Variants in PCDHA3 observed in about 807,000 individuals in gnomAD.
PCDHA3 encodes the protein protocadherin alpha-3.
In PCDHA3, 41 loss-of-function variants were observed where a neutral mutation model predicts 62.2. The ratio of observed to expected loss-of-function variants is 0.66; its 90% confidence interval spans 0.51 to 0.86. The LOEUF is 0.86. Ranked by LOEUF, PCDHA3 falls within the 40% of genes least tolerant of loss-of-function variation. The probability of loss-of-function intolerance (pLI) is 0.00; values close to 1 mark genes in which losing one functional copy is unlikely to be tolerated. For missense variants in PCDHA3, 1,304 were observed against 1,241.2 expected, an observed-to-expected ratio of 1.05 and a Z score of -0.76; for synonymous variants, 640 against 555.4, an observed-to-expected ratio of 1.15 and a Z score of -2.14.
Position 140,842,900 on chromosome 5 carries a change from G to A in PCDHA3, c.2394+39309G>A, listed in dbSNP as rs2150347456. ...CGCGCTGCAGCCGCTGGACCACGAG[G>A]AGCTAGAGCTGCTGCAGTTCCAGGT... On this transcript the variant is annotated intron_variant, in intron 1 of 3. Transcript: ENST00000522353. 6.3e-7 allele frequency: 1 copy of A among 1,594,414 alleles called. No homozygotes were observed. The highest frequency in any genetic ancestry group is 2.2e-5 in the East Asian group (1 of 44,796).
chr5:140,923,865 A>G (rs1422887617), intron 1 of PCDHA3, among the ~76,000 whole-genome samples: 1 of 152,226 alleles, frequency 6.6e-6, no homozygotes, highest in Non-Finnish European at 1.5e-5. Flanking sequence ...GGGAAGCCAA[A>G]AATCTGAGAA....
intron 1 of PCDHA3, chr5:140,848,358 G>A: frequency 9.5e-7 from 1 of 1,051,266 alleles, no homozygotes; most frequent in East Asian, 2.4e-5. Flanking sequence ...CTTTTCCCAT[G>A]GGAAAGAGGC....
At chr5:140,871,624 A>G in intron 1 of PCDHA3, 1 of 1,409,596 alleles carries the variant, frequency 7.1e-7, no homozygotes, top group African/African-American at 1.4e-5. Context: ...TTTAGATAAC[A>G]ATGTCTGTTC....
chr5:140,871,506 A>G, intron 1 of PCDHA3: 11 of 1,580,864 alleles, frequency 7.0e-6, no homozygotes, highest in Non-Finnish European at 8.6e-6. Flanking sequence ...TGAGTTTTCT[A>G]CAGATTCCAC....
intron 1 of PCDHA3, chr5:140,850,751 G>A (rs2041804257): frequency 6.3e-7 from 1 of 1,597,836 alleles, no homozygotes; most frequent in Non-Finnish European, 8.6e-7. Flanking sequence ...CGTACTCGCA[G>A]CAGAGGAGGC....
chr5:140,859,888 A>T (rs2046074014), intron 1 of PCDHA3: 1 of 152,104 alleles, frequency 6.6e-6, no homozygotes. Context: ...TATTTTGAAA[A>T]AAAATCTTCC....
chr5:140,966,644 G>A, intron 1 of PCDHA3: 1 of 1,127,128 alleles, frequency 8.9e-7, no homozygotes, highest in Non-Finnish European at 1.2e-6. Context: ...GCTTTCTAGA[G>A]CGTGAGCGGT....
At chr5:140,911,037 C>A (rs1432446373) in intron 1 of PCDHA3, among the ~76,000 whole-genome samples, 3 of 152,012 alleles carry the variant, frequency 2.0e-5, no homozygotes, top group Non-Finnish European at 4.4e-5. Context: ...GGTCTAGAAG[C>A]AAACAGGGGT....
At chr5:140,813,382 T>A (rs1218287090) in intron 1 of PCDHA3, 1 of 152,178 alleles carries the variant, frequency 6.6e-6, no homozygotes, top group African/African-American at 2.4e-5. Flanking sequence ...GGTTACATGA[T>A]CTATTGCTTC....
intron 1 of PCDHA3, chr5:140,861,648 T>C (rs1380826146): frequency 1.0e-5 from 3 of 287,022 alleles, no homozygotes; most frequent in African/African-American, 6.6e-5. Context: ...AAAGAATCTG[T>C]TTCTGAAACG....
intron 2 of PCDHA3, 36 bp downstream of exon 2, chr5:140,979,043 C>G: frequency 6.2e-7 from 1 of 1,612,500 alleles, no homozygotes. Context: ...CAGAAGTAAC[C>G]TTAACTTGGT....
chr5:140,827,884 A>T, intron 1 of PCDHA3: 1 of 684,502 alleles, frequency 1.5e-6, no homozygotes, highest in East Asian at 2.6e-5. Context: ...ACGTGAATTG[A>T]TTTCTTACCT....
rs1554141625 is a variant in PCDHA3 at position 140,847,005 on chromosome 5, A to G, written c.2394+43414A>G. On this transcript the variant is annotated intron_variant, in intron 1 of 3. Coordinates refer to ENST00000522353, the MANE Select transcript of PCDHA3 (RefSeq NM_018906.3). Reference sequence around the variant, plus strand: ...AGTTCCCCCCGGGAGAATATTGAGAATGATAGACATTTCTTGGAAAGAGAA... The same window carrying G: ...AGTTCCCCCCGGGAGAATATTGAGAGTGATAGACATTTCTTGGAAAGAGAA... 2.7e-5 allele frequency among the ~76,000 whole-genome samples: 4 copies of G among 149,762 alleles called. 1 individual carries two copies.
chr5:140,819,581 T>A (rs1766585866), intron 1 of PCDHA3, among the ~76,000 whole-genome samples: 3 of 152,184 alleles, frequency 2.0e-5, no homozygotes, highest in Admixed American at 6.5e-5. Flanking sequence ...GAAGATTTTT[T>A]AAAATGTTCT....
chr5:140,932,101 T>G (rs1281828369), intron 1 of PCDHA3, among the ~76,000 whole-genome samples: 6 of 151,958 alleles, frequency 3.9e-5, no homozygotes, highest in Non-Finnish European at 8.8e-5. Context: ...TTTTTATCTC[T>G]GTATTTCCAA....
rs542536806 is a variant in PCDHA3, at chr5:140,896,054, G to T, written c.2395-82895G>T. Among the ~76,000 whole-genome samples the T allele has an allele frequency of 4.6e-5, 7 of 151,966 alleles. 1 individual carries two copies. In the East Asian group the frequency reaches 1.4e-3, roughly 30 times the overall value. On this transcript the variant is annotated intron_variant, in intron 1 of 3. Transcript: ENST00000522353. ...TCGAACTCCTGACCTCAGGTGATCC[G>T]CCTGCCTCGGCCTCCCAACATGCTG...
intron 1 of PCDHA3, among the ~76,000 whole-genome samples, chr5:140,948,964 T>C (rs2094329348): frequency 6.6e-6 from 1 of 151,790 alleles, no homozygotes; most frequent in Non-Finnish European, 1.5e-5. Context: ...AGCCACGAAT[T>C]TATTAGTATG....
At chr5:140,845,739 T>A (rs1410365251) in intron 1 of PCDHA3, among the ~76,000 whole-genome samples, 1 of 149,672 alleles carries the variant, frequency 6.7e-6, no homozygotes, top group African/African-American at 2.4e-5. Context: ...TTCTACTTTA[T>A]AGATTTATTT....
intron 1 of PCDHA3, among the ~76,000 whole-genome samples, chr5:140,918,436 A>T (rs2078697265): frequency 6.6e-6 from 1 of 152,092 alleles, no homozygotes; most frequent in Admixed American, 6.6e-5. Context: ...GTTGAATAGG[A>T]GTGGTGACAG....
Sources: allele counts gnomAD v4.1 joint callset (sites outside exome capture counted in the v4.1 genomes callset), GRCh38; gene constraint gnomAD v4.1.1; transcripts MANE v1.5; gene names NCBI Gene and HGNC (gene_info 2026-07-23, HGNC 2026-07-21).